The following GLIS1 variants were observed in gnomAD, a reference collection of about 807,000 sequenced individuals.
GLIS1 encodes GLIS family zinc finger 1, also known as zinc finger protein GLIS1.
A neutral mutation model predicts 63.8 loss-of-function variants in GLIS1; 24 were observed. That is an observed-to-expected ratio of 0.38 (90% CI 0.27 to 0.53). The LOEUF is 0.53. GLIS1 is among the 20% of genes least tolerant of loss of function. The probability of loss-of-function intolerance (pLI) is 0.85; values close to 1 mark genes in which losing one functional copy is unlikely to be tolerated. For synonymous variants in GLIS1, 450 were observed against 482.5 expected (o/e 0.93, Z 0.88); for missense variants, 1,036 against 1,074.1 (o/e 0.96, Z 0.50).
chr1:53,520,698 C>T lies in GLIS1; in HGVS notation c.1662G>A (p.Thr554=), dbSNP rs140863157. ...CGTCGCTGGCAGCCAGCTGTGTGGACGTGTGGAGCTGCTGCAGGACCAGAC... is the reference window on the plus strand; with the variant it reads ...CGTCGCTGGCAGCCAGCTGTGTGGATGTGTGGAGCTGCTGCAGGACCAGAC... ...TECLVLQQLH[T]STQLAASDGK... is the part of the protein sequence containing the mutation. The change falls in exon 7 of 11, where the codon ACG becomes ACA. Residue 554 remains threonine, a synonymous_variant. Transcript: ENST00000628545. 97 of 1,607,702 alleles carry T rather than the reference C, an allele frequency of 6.0e-5. No homozygotes were observed. The highest frequency in any genetic ancestry group is 7.0e-5 in the Non-Finnish European group (82 of 1,177,898).
intron 2 of GLIS1, among the ~76,000 whole-genome samples, chr1:53,655,641 G>T: frequency 6.6e-6 from 1 of 152,276 alleles, no homozygotes; most frequent in African/African-American, 2.4e-5. Context: ...CCCCACAGAC[G>T]TTCTGGGCAC....
At chr1:53,676,693 C>T (rs148663535) in intron 2 of GLIS1, among the ~76,000 whole-genome samples, 2 of 152,278 alleles carry the variant, frequency 1.3e-5, no homozygotes, top group African/African-American at 4.8e-5. Flanking sequence ...TTCCCCAGCC[C>T]TCGGGCTGAG....
chr1:53,709,649 G>C lies in GLIS1; in HGVS notation c.259+28157C>G, dbSNP rs547309480. 1.2e-4 allele frequency among the ~76,000 whole-genome samples: 18 copies of C among 152,220 alleles called. No individual in the cohort carries two copies. In the South Asian group the frequency reaches 3.3e-3, roughly 28 times the overall value. On this transcript the variant is annotated intron_variant, in intron 2 of 10. Transcript: ENST00000628545. ...CTCTCCGATCTGATTCATTTTTAAA[G>C]GAAAGTCAGGGTGTTGATGGGCCCT...
At chr1:53,725,590 G>A (rs1464381458) in intron 2 of GLIS1, among the ~76,000 whole-genome samples, 3 of 152,282 alleles carry the variant, frequency 2.0e-5, no homozygotes, top group African/African-American at 4.8e-5. Flanking sequence ...TGCAAACACC[G>A]ACCCTCCAGG....
intron 2 of GLIS1, among the ~76,000 whole-genome samples, chr1:53,634,845 C>A (rs1645706352): frequency 6.6e-6 from 1 of 152,124 alleles, no homozygotes; most frequent in Non-Finnish European, 1.5e-5. Context: ...AACGCTTCCC[C>A]TTGACAACAC....
At chr1:53,514,576 G>A (rs147240837) in intron 8 of GLIS1, 49 bp downstream of exon 8, 8 of 1,584,878 alleles carry the variant, frequency 5.0e-6, no homozygotes, top group African/African-American at 4.1e-5. Context: ...GCCTCCCCCC[G>A]AGATCCCCCC....
intron 6 of GLIS1, among the ~76,000 whole-genome samples, chr1:53,524,165 C>T (rs965657785): frequency 8.5e-5 from 13 of 152,248 alleles, no homozygotes; most frequent in Non-Finnish European, 7.3e-5. Flanking sequence ...GCTGAGGAAC[C>T]TGAAGCCCAA....
intron 4 of GLIS1, among the ~76,000 whole-genome samples, chr1:53,551,698 T>C (rs1644761350): frequency 6.6e-6 from 1 of 152,136 alleles, no homozygotes; most frequent in African/African-American, 2.4e-5. Context: ...TTGTGAGCTC[T>C]GTAGTCTAGC....
chr1:53,524,221 C>A (rs55676157), intron 6 of GLIS1, among the ~76,000 whole-genome samples: 1 of 152,234 alleles, frequency 6.6e-6, no homozygotes, highest in South Asian at 2.1e-4. Context: ...GCAAGCCCCG[C>A]GGGCCCACTC....
chr1:53,738,588 T>C (rs1349518200), intron 1 of GLIS1, among the ~76,000 whole-genome samples: 1 of 152,036 alleles, frequency 6.6e-6, no homozygotes, highest in Non-Finnish European at 1.5e-5. Flanking sequence ...GCGCAGAAGC[T>C]GGGGACCCGA....
chr1:53,620,612 C>T (rs1178332830), intron 2 of GLIS1, among the ~76,000 whole-genome samples: 2 of 152,260 alleles, frequency 1.3e-5, no homozygotes, highest in Non-Finnish European at 2.9e-5. Flanking sequence ...AGGTGGCTCA[C>T]TGGCTCTCAT....
At chr1:53,631,652 A>G (rs1645653280) in intron 2 of GLIS1, among the ~76,000 whole-genome samples, 1 of 152,250 alleles carries the variant, frequency 6.6e-6, no homozygotes, top group African/African-American at 2.4e-5. Context: ...AGTGGTATAC[A>G]GGAAAATAAA....
chr1:53,711,049 C>T (rs1336289562), intron 2 of GLIS1, among the ~76,000 whole-genome samples: 2 of 152,242 alleles, frequency 1.3e-5, no homozygotes, highest in East Asian at 3.9e-4. Context: ...ACCACTCACA[C>T]CCTATCACAG....
At chr1:53,638,605 G>A (rs1450036928) in intron 2 of GLIS1, among the ~76,000 whole-genome samples, 1 of 152,188 alleles carries the variant, frequency 6.6e-6, no homozygotes, top group Non-Finnish European at 1.5e-5. Flanking sequence ...GAGGCCCCAT[G>A]GAGCAATGGC....
In GLIS1 at chr1:53,573,321, T is replaced by C. The variant is rs527955391; in HGVS notation, c.1320+20787A>G. On this transcript the variant is annotated intron_variant, in intron 4 of 10. Transcript: ENST00000628545. ...ACCTATTTCAATAGCTTTCTCCCTC[T>C]AAGCTTTGAGAATGGGGGAAGGACA... 7.9e-5 allele frequency among the ~76,000 whole-genome samples: 12 copies of C among 152,136 alleles called. No individual in the cohort carries two copies. The East Asian group carries it at 2.3e-3, about 30-fold the overall frequency.
intron 2 of GLIS1, among the ~76,000 whole-genome samples, chr1:53,636,732 T>C (rs185394890): frequency 6.6e-6 from 1 of 152,352 alleles, no homozygotes; most frequent in Admixed American, 6.5e-5. Context: ...TCAGTCTACC[T>C]GCTCCCTCAC....
At position 53,594,221 on chromosome 1, in the gene GLIS1, C is replaced by G; in HGVS notation, c.1207G>C (p.Asp403His). 6.2e-7 allele frequency: 1 copy of G among 1,613,936 alleles called. No homozygotes were observed. Among genetic ancestry groups the G allele is most frequent in the Non-Finnish European group, 8.5e-7 (1 of 1,179,994 alleles). Residue 403 changes from aspartate (D) to histidine (H), a missense_variant, in exon 4 of 11, where the codon GAC becomes CAC. By Grantham distance (81) the Asp-to-His change is moderately conservative. Transcript: ENST00000628545. ...CAGCCAGCCCAGAAGCAGGTGAAGT[C>G]CTCGCCCTTGCGCTGGTCGATGTGG... ...KSHIDQRKGE[D>H]FTCFWAGCVR...
intron 4 of GLIS1, among the ~76,000 whole-genome samples, chr1:53,558,355 A>G (rs1022531110): frequency 2.6e-5 from 4 of 152,200 alleles, no homozygotes; most frequent in African/African-American, 9.6e-5. Flanking sequence ...TGGAGGCCTC[A>G]CTGTCACTTT....
rs1570005055 is a variant in GLIS1 at position 53,660,973 on chromosome 1, G to A, written c.260-60695C>T. 3.9e-5 allele frequency among the ~76,000 whole-genome samples: 6 copies of A among 152,308 alleles called. 1 individual carries two copies. In the South Asian group the frequency reaches 1.2e-3, roughly 32 times the overall value. On this transcript the variant is annotated intron_variant, in intron 2 of 10. Coordinates refer to ENST00000628545, the MANE Select transcript of GLIS1 (RefSeq NM_001367484.1). ...ATGCAGGATGGGATGTGTGCTGGCA[G>A]ACCCATGTTGGAATCATCCACCACC... is the stretch of plus-strand genomic sequence containing the variant.
Sources: gnomAD v4.1 joint callset for allele counts (sites outside exome capture counted in the v4.1 genomes callset) on GRCh38, gnomAD v4.1.1 for gene constraint, MANE v1.5 for transcripts, NCBI Gene and HGNC (gene_info 2026-07-23, HGNC 2026-07-21) for gene names.